The following S100PBP variants were observed in gnomAD, a reference collection of about 807,000 sequenced individuals.
S100PBP encodes the protein S100P binding protein.
In S100PBP, 15 loss-of-function variants were observed where a neutral mutation model predicts 39.9. The observed-to-expected ratio is 0.38, with a 90% CI of 0.25 to 0.58. S100PBP has a LOEUF of 0.58. Ranked by LOEUF, S100PBP falls within the 20% of genes least tolerant of loss-of-function variation. The pLI is 0.70. For synonymous variants in S100PBP, 178 were observed against 180.3 expected (o/e 0.99, Z 0.10); for missense variants, 504 against 487.3 (o/e 1.03, Z -0.32).
chr1:32,841,557 C>G (rs1640095168), intron 5 of S100PBP, among the ~76,000 whole-genome samples: 1 of 151,180 alleles, frequency 6.6e-6, no homozygotes, highest in Admixed American at 6.6e-5. Context: ...TGGAGAAAGC[C>G]CATCTCTACT....
chr1:32,816,929 TG>T (rs1233314701), upstream of S100PBP: 10 of 594,614 alleles, frequency 1.7e-5, no homozygotes, highest in Non-Finnish European at 2.4e-5. Flanking sequence ...GGGGGTGGAA[TG>T]GGAGTCCTGG....
At position 32,853,054 on chromosome 1, in the gene S100PBP, A is replaced by C. The variant is rs769533220; in HGVS notation, c.1025-25A>C. On this transcript the variant is annotated intron_variant, in intron 5 of 6. Transcript: ENST00000373475. Reference sequence around the variant, plus strand: ...TGACGTAGTTCACTCAGCTGTTCCTAACCACTGATCCCTCTGTATCACAGG... The same window carrying C: ...TGACGTAGTTCACTCAGCTGTTCCTCACCACTGATCCCTCTGTATCACAGG... 9 of 1,561,126 alleles carry C rather than the reference A, an allele frequency of 5.8e-6. No individual in the cohort carries two copies. In the South Asian group the frequency reaches 8.9e-5, roughly 15 times the overall value.
intron 5 of S100PBP, among the ~76,000 whole-genome samples, chr1:32,847,905 A>G (rs1640448418): frequency 6.6e-6 from 1 of 152,126 alleles, no homozygotes; most frequent in South Asian, 2.1e-4. Flanking sequence ...GATAGCCTTT[A>G]AGTAACTGAG....
At position 32,817,783 on chromosome 1, in the gene S100PBP, C is replaced by A. The variant is rs114349735; in HGVS notation, c.-120+94C>A. The A allele has an allele frequency of 4.3e-3, 779 of 179,426 alleles. 6 individuals carry two copies. Among genetic ancestry groups the A allele is most frequent in the Admixed American group, 7.3e-3 (134 of 18,272 alleles). The allele number at this position is 179,426 out of a possible 1,614,324, so 11.1% of individuals were successfully genotyped here. On this transcript the variant is annotated intron_variant, in intron 1 of 6. Coordinates refer to ENST00000373475, the MANE Select transcript of S100PBP (RefSeq NM_022753.4). Reference sequence around the variant, plus strand: ...TCTCCAGGGGGTTGCGCACGCCGTCCGCCCCTTGGAGGGATTGGGAGGCCC... The same window carrying A: ...TCTCCAGGGGGTTGCGCACGCCGTCAGCCCCTTGGAGGGATTGGGAGGCCC...
At chr1:32,845,957 G>A (rs1460436259) in intron 5 of S100PBP, among the ~76,000 whole-genome samples, 1 of 151,916 alleles carries the variant, frequency 6.6e-6, no homozygotes, top group Non-Finnish European at 1.5e-5. Context: ...AGGATTACAG[G>A]TGTGAGCCAC....
At chr1:32,851,152 T>C (rs1368757112) in intron 5 of S100PBP, among the ~76,000 whole-genome samples, 2 of 152,192 alleles carry the variant, frequency 1.3e-5, no homozygotes, top group Admixed American at 1.3e-4. Flanking sequence ...TCTGCCTAAC[T>C]CCAAAGTATA....
intron 1 of S100PBP, chr1:32,820,449 T>A (rs1056146366): frequency 2.0e-5 from 3 of 152,256 alleles, no homozygotes; most frequent in African/African-American, 7.2e-5. Context: ...CCTGGCCCTA[T>A]GCTTCTCTTA....
In S100PBP at chr1:32,843,810, G is replaced by A. The variant is rs59985939; in HGVS notation, c.1025-9269G>A. Among the ~76,000 whole-genome samples the A allele has an allele frequency of 7.9e-3, 1,208 of 151,978 alleles. 22 individuals carry two copies. Among genetic ancestry groups the A allele is most frequent in the African/African-American group, 0.027 (1,135 of 41,448 alleles). ...TCACCATGTTAGCCAGGATGGTCTC[G>A]ATCTCCTGACCTCATGATCTGCCCG... On this transcript the variant is annotated intron_variant, in intron 5 of 6. Transcript: ENST00000373475.
At chr1:32,823,874 G>A (rs1250308196) in intron 1 of S100PBP, among the ~76,000 whole-genome samples, 1 of 152,204 alleles carries the variant, frequency 6.6e-6, no homozygotes, top group African/African-American at 2.4e-5. Flanking sequence ...GGTGTGTGAT[G>A]ATTGTAGCTC....
rs183831355 is a variant in S100PBP at position 32,828,488 on chromosome 1, A to G, written c.920+407A>G. On this transcript the variant is annotated intron_variant, in intron 4 of 6. Transcript: ENST00000373475. ...TGTTGTCCCTCCCAACTTGCATACA[A>G]CTACCCTTGCGGAAAAATTCCAGTA... is the stretch of plus-strand genomic sequence containing the variant. Among the ~76,000 whole-genome samples the G allele has an allele frequency of 1.4e-3, 214 of 152,204 alleles. 1 individual carries two copies. Among genetic ancestry groups the G allele is most frequent in the African/African-American group, 3.9e-3 (161 of 41,530 alleles).
chr1:32,827,693 A>G (rs1224486976), intron 3 of S100PBP, among the ~76,000 whole-genome samples: 1 of 149,620 alleles, frequency 6.7e-6, no homozygotes, highest in Non-Finnish European at 1.5e-5. Context: ...GTTGGCCAGG[A>G]TGGTCTCGAA....
intron 6 of S100PBP, among the ~76,000 whole-genome samples, chr1:32,853,675 G>A (rs1419976144): frequency 6.6e-6 from 1 of 152,088 alleles, no homozygotes; most frequent in Non-Finnish European, 1.5e-5. Context: ...AAGGCAGGAG[G>A]ATTGCTTGAG....
At chr1:32,843,936 T>C (rs894283940) in intron 5 of S100PBP, among the ~76,000 whole-genome samples, 1 of 151,592 alleles carries the variant, frequency 6.6e-6, no homozygotes, top group African/African-American at 2.4e-5. Flanking sequence ...TTTTTTGAGA[T>C]GGAGTCTCGC....
intron 4 of S100PBP, 99 bp downstream of exon 4, chr1:32,828,180 C>A: frequency 1.4e-6 from 1 of 736,244 alleles, no homozygotes; most frequent in Non-Finnish European, 2.3e-6. Flanking sequence ...AAAAAAATCC[C>A]TACTCCAGGA....
At chr1:32,819,960 C>G (rs139815419) in intron 1 of S100PBP, among the ~76,000 whole-genome samples, 25 of 152,154 alleles carry the variant, frequency 1.6e-4, no homozygotes, top group Non-Finnish European at 2.6e-4. Flanking sequence ...AAGGATAGTT[C>G]AGTGAACATT....
At chr1:32,823,056 G>A (rs549593798) in intron 1 of S100PBP, among the ~76,000 whole-genome samples, 15 of 152,262 alleles carry the variant, frequency 9.9e-5, no homozygotes, top group African/African-American at 3.1e-4. Flanking sequence ...CCTGGGTTTC[G>A]ATCCTTGTTC....
At chr1:32,820,320 A>G (rs1188015171) in intron 1 of S100PBP, among the ~76,000 whole-genome samples, 1 of 151,752 alleles carries the variant, frequency 6.6e-6, no homozygotes, top group African/African-American at 2.4e-5. Flanking sequence ...TAATCTTTGT[A>G]TTTTTAGTAG....
intron 5 of S100PBP, among the ~76,000 whole-genome samples, chr1:32,831,781 T>C (rs1380526011): frequency 6.6e-6 from 1 of 152,170 alleles, no homozygotes; most frequent in Non-Finnish European, 1.5e-5. Context: ...ACAGGCCTAG[T>C]CATGTCATTG....
chr1:32,820,641 GTA>G (rs1187040488), intron 1 of S100PBP: 1 of 152,170 alleles, frequency 6.6e-6, no homozygotes, highest in Admixed American at 6.5e-5. Flanking sequence ...ACTTCACAGA[GTA>G]TAATCATTGT....
Sources: gnomAD v4.1 joint callset for allele counts (sites outside exome capture counted in the v4.1 genomes callset) on GRCh38, gnomAD v4.1.1 for gene constraint, MANE v1.5 for transcripts, NCBI Gene and HGNC (gene_info 2026-07-23, HGNC 2026-07-21) for gene names.